Variants in SLC35A3 observed in about 807,000 individuals in gnomAD.
SLC35A3 encodes solute carrier family 35 member A3.
Under a neutral mutation model 39.0 loss-of-function variants are expected in SLC35A3, and 26 were observed. That is an observed-to-expected ratio of 0.67 (90% confidence interval 0.49 to 0.92). The LOEUF (loss-of-function observed/expected upper bound fraction) is 0.92. SLC35A3 is among the 40% of genes least tolerant of loss of function. The pLI is 0.00. For missense variants in SLC35A3, 299 were observed against 371.6 expected, an observed-to-expected ratio of 0.80 and a Z score of 1.61; for synonymous variants, 135 against 133.1, an observed-to-expected ratio of 1.01 and a Z score of -0.10.
intron 5 of SLC35A3, among the ~76,000 whole-genome samples, chr1:100,013,445 CAAAAAAAAA>C (rs59892113): frequency 1.7e-5 from 1 of 59,550 alleles, no homozygotes; most frequent in African/African-American, 5.2e-5. Flanking sequence ...AAACTCTGTA[CAAAAAAAAA>C]AAAAAAAAAT....
At chr1:100,000,177 A>G (rs1455828214) in intron 3 of SLC35A3, among the ~76,000 whole-genome samples, 1 of 152,182 alleles carries the variant, frequency 6.6e-6, no homozygotes, top group Non-Finnish European at 1.5e-5. Flanking sequence ...TAGAGGCTGT[A>G]CTAATTTACA....
chr1:99,998,537 AG>A (rs1335588217), intron 2 of SLC35A3, among the ~76,000 whole-genome samples: 1 of 152,120 alleles, frequency 6.6e-6, no homozygotes, highest in Non-Finnish European at 1.5e-5. Flanking sequence ...TGTCCACCCC[AG>A]GGACTTTTCC....
chr1:99,990,089 A>T (rs1385281476), intron 1 of SLC35A3, among the ~76,000 whole-genome samples: 2 of 151,330 alleles, frequency 1.3e-5, no homozygotes, highest in African/African-American at 4.9e-5. Flanking sequence ...CAGTTTATCC[A>T]TTTTTTTCAT....
chr1:100,020,746 C>T (rs1660476498), intron 7 of SLC35A3, among the ~76,000 whole-genome samples: 2 of 152,058 alleles, frequency 1.3e-5, no homozygotes, highest in South Asian at 2.1e-4. Flanking sequence ...GTAGTTCTGC[C>T]TAGGGGAGTG....
At chr1:99,984,679 T>C (rs1289053513) in intron 1 of SLC35A3, among the ~76,000 whole-genome samples, 1 of 152,240 alleles carries the variant, frequency 6.6e-6, no homozygotes, top group East Asian at 1.9e-4. Flanking sequence ...ATAGTAGTTA[T>C]ACTAGTTTAC....
chr1:100,000,544 T>C (rs889033790), intron 3 of SLC35A3: 1 of 152,174 alleles, frequency 6.6e-6, no homozygotes, highest in African/African-American at 2.4e-5. Context: ...TTCTTTGCTT[T>C]GCAGAAGCTT....
At chr1:99,981,590 G>A (rs949038073) in intron 1 of SLC35A3, among the ~76,000 whole-genome samples, 4 of 151,850 alleles carry the variant, frequency 2.6e-5, no homozygotes, top group Non-Finnish European at 5.9e-5. Context: ...AGAAATTCTC[G>A]TGGCCTCAGC....
At chr1:100,009,062 T>C (rs1251444952) in intron 4 of SLC35A3, 2 of 152,234 alleles carry the variant, frequency 1.3e-5, no homozygotes, top group African/African-American at 4.8e-5. Flanking sequence ...GTAATAATTA[T>C]AATGAAATTT....
intron 7 of SLC35A3, among the ~76,000 whole-genome samples, chr1:100,020,902 T>C (rs1000416704): frequency 6.6e-6 from 1 of 152,048 alleles, no homozygotes; most frequent in Non-Finnish European, 1.5e-5. Flanking sequence ...GAATTATAGA[T>C]TGGGTGGCAT....
At chr1:100,020,713 A>G (rs1043708292) in intron 7 of SLC35A3, among the ~76,000 whole-genome samples, 3 of 152,194 alleles carry the variant, frequency 2.0e-5, no homozygotes, top group Non-Finnish European at 4.4e-5. Flanking sequence ...ATTTAATGAC[A>G]GTGTGGTAAG....
chr1:100,021,272 G>A (rs1660518341), intron 7 of SLC35A3, among the ~76,000 whole-genome samples: 1 of 151,912 alleles, frequency 6.6e-6, no homozygotes, highest in Non-Finnish European at 1.5e-5. Context: ...GCTGAGGCAG[G>A]AGAATTGCTT....
chr1:99,971,089 C>G (rs894209243), intron 1 of SLC35A3, among the ~76,000 whole-genome samples: 1 of 152,146 alleles, frequency 6.6e-6, no homozygotes, highest in Non-Finnish European at 1.5e-5. Flanking sequence ...GGCACCCTTC[C>G]AGTCACTTGC....
chr1:100,019,417 A>G (rs1212668326), intron 7 of SLC35A3, among the ~76,000 whole-genome samples: 1 of 151,480 alleles, frequency 6.6e-6, no homozygotes, highest in East Asian at 1.9e-4. Context: ...GAATGAATGA[A>G]TATTTTGAGA....
intron 7 of SLC35A3, among the ~76,000 whole-genome samples, chr1:100,018,557 T>A (rs1258095694): frequency 6.6e-6 from 1 of 152,148 alleles, no homozygotes. Context: ...TGAGACAGGA[T>A]CTCAGTTTGT....
At chr1:99,990,266 G>A (rs1570583223) in intron 1 of SLC35A3, among the ~76,000 whole-genome samples, 1 of 151,038 alleles carries the variant, frequency 6.6e-6, no homozygotes, top group East Asian at 1.9e-4. Context: ...AGGGGTAGAG[G>A]GTTATTTTTT....
chr1:99,983,480 A>T (rs1246708402), intron 1 of SLC35A3, among the ~76,000 whole-genome samples: 1 of 151,452 alleles, frequency 6.6e-6, no homozygotes, highest in Non-Finnish European at 1.5e-5. Context: ...CAGAGGTTGG[A>T]GTGAGCCGAG....
At chr1:99,988,398 A>G (rs749976380) in intron 1 of SLC35A3, among the ~76,000 whole-genome samples, 2 of 152,014 alleles carry the variant, frequency 1.3e-5, no homozygotes, top group African/African-American at 4.8e-5. Context: ...ATTCCATTGT[A>G]TGGATATACC....
chr1:99,983,178 G>GT (rs1458139480), intron 1 of SLC35A3, among the ~76,000 whole-genome samples: 1 of 152,124 alleles, frequency 6.6e-6, no homozygotes, highest in East Asian at 1.9e-4. Flanking sequence ...TTGTGTGTGT[G>GT]TGGGTGTGTG....
intron 1 of SLC35A3, among the ~76,000 whole-genome samples, chr1:99,981,000 T>C (rs1055266406): frequency 2.6e-5 from 4 of 152,224 alleles, no homozygotes; most frequent in African/African-American, 9.6e-5. Flanking sequence ...AAAGAATATA[T>C]ACAAATACCA....
Sources: gnomAD v4.1 joint callset for allele counts (sites outside exome capture counted in the v4.1 genomes callset) on GRCh38, gnomAD v4.1.1 for gene constraint, MANE v1.5 for transcripts, NCBI Gene and HGNC (gene_info 2026-07-23, HGNC 2026-07-21) for gene names.